The following DYNC2LI1 variants were observed in gnomAD, a reference collection of about 807,000 sequenced individuals.
DYNC2LI1 encodes cytoplasmic dynein 2 light intermediate chain 1.
In DYNC2LI1, 45 loss-of-function variants were observed where a neutral mutation model predicts 51.9. The observed-to-expected ratio is 0.87, with a 90% CI of 0.68 to 1.11. DYNC2LI1 has a LOEUF of 1.11. Among genes scored for constraint, DYNC2LI1 ranks in the 50% most tolerant of loss-of-function variants. DYNC2LI1 has a pLI of 0.00. For synonymous variants in DYNC2LI1, 130 were observed against 137.8 expected (o/e 0.94, Z 0.40); for missense variants, 490 against 417.4 (o/e 1.17, Z -1.51).
intron 1 of DYNC2LI1, 114 bp downstream of exon 1, chr2:43,774,260 G>T (rs1197794092): frequency 2.9e-6 from 4 of 1,387,422 alleles, no homozygotes; most frequent in Non-Finnish European, 3.0e-6. Context: ...TTGCCACCAG[G>T]ATATGCAGGG....
intron 5 of DYNC2LI1, chr2:43,792,660 G>A (rs13420319): frequency 0.095 from 146,677 of 1,537,572 alleles, 10,689 homozygotes; most frequent in African/African-American, 0.33. Flanking sequence ...ATAACTCCTT[G>A]TTTTTCCTTC....
intron 12 of DYNC2LI1, among the ~76,000 whole-genome samples, chr2:43,807,389 A>C (rs1436878790): frequency 6.6e-6 from 1 of 152,116 alleles, no homozygotes; most frequent in Admixed American, 6.5e-5. Context: ...TCCCGATTTT[A>C]AGGGAATGCG....
chr2:43,825,575 A>G, the DYNC2LI1 span, among the ~76,000 whole-genome samples: 1 of 151,988 alleles, frequency 6.6e-6, no homozygotes, highest in African/African-American at 2.4e-5. Flanking sequence ...CAACTGTGTG[A>G]TCTTGGCTTA....
In DYNC2LI1 at chr2:43,783,504, C is replaced by T. The variant is rs747308286; in HGVS notation, c.127-16C>T. The T allele has an allele frequency of 2.6e-6, 4 of 1,530,980 alleles. No homozygotes were observed. The highest frequency in any genetic ancestry group is 3.5e-6 in the Non-Finnish European group (4 of 1,142,680). 94.8% of individuals were successfully genotyped at this position (1,530,980 alleles called of 1,614,324 possible). Reference sequence around the variant, plus strand: ...GAGTGACATTAACGCAGTGTTCCTTCTTTTTTAATTTCCAGGGAAAGACTA... The same window carrying T: ...GAGTGACATTAACGCAGTGTTCCTTTTTTTTTAATTTCCAGGGAAAGACTA... On this transcript the variant is annotated splice_polypyrimidine_tract_variant and intron_variant, in intron 2 of 12. Coordinates refer to ENST00000260605, the MANE Select transcript of DYNC2LI1 (RefSeq NM_016008.4).
At chr2:43,794,311 T>C (rs931844359) in intron 5 of DYNC2LI1, 146 bp from the exon 6 acceptor site, 68 of 865,072 alleles carry the variant, frequency 7.9e-5, no homozygotes, top group Non-Finnish European at 1.1e-4. Context: ...TTTGGTTTTT[T>C]GTTTTTGGGA....
At chr2:43,789,492 G>C (rs1673679453) in intron 4 of DYNC2LI1, 141 bp from the exon 5 acceptor site, 2 of 614,724 alleles carry the variant, frequency 3.3e-6, no homozygotes, top group South Asian at 4.5e-5. Context: ...TTGAGGGATG[G>C]GATAAAGGAA....
chr2:43,778,259 G>A (rs1168375236), intron 2 of DYNC2LI1, among the ~76,000 whole-genome samples: 1 of 152,074 alleles, frequency 6.6e-6, no homozygotes, highest in Admixed American at 6.6e-5. Flanking sequence ...GACTTCCCTG[G>A]CTCGGGTGAT....
chr2:43,794,232 A>AGGGG, intron 5 of DYNC2LI1: 1 of 412,020 alleles, frequency 2.4e-6, no homozygotes, highest in Non-Finnish European at 4.3e-6. Context: ...TTCAAACAGA[A>AGGGG]ACTTAGTTCC....
chr2:43,823,780 G>T, the DYNC2LI1 span: 45 of 1,037,884 alleles, frequency 4.3e-5, no homozygotes, highest in Non-Finnish European at 5.8e-5. Context: ...CCTTTCCCCA[G>T]AGAGGGAACC....
intron 9 of DYNC2LI1, 84 bp downstream of exon 9, chr2:43,801,001 C>G: frequency 2.6e-6 from 2 of 764,296 alleles, no homozygotes; most frequent in Non-Finnish European, 3.9e-6. Context: ...TCTACTCAGT[C>G]TCTTGTGTCT....
chr2:43,827,983 T>C, the DYNC2LI1 span: 16 of 1,613,854 alleles, frequency 9.9e-6, no homozygotes, highest in African/African-American at 2.7e-5. Flanking sequence ...TGCCACTTAC[T>C]AGGATCCTGG....
At chr2:43,801,383 C>T in intron 9 of DYNC2LI1, 1 of 275,802 alleles carries the variant, frequency 3.6e-6, no homozygotes, top group African/African-American at 2.2e-5. Context: ...TATGTATCTT[C>T]TTAGCCTTGC....
chr2:43,826,931 T>C, the DYNC2LI1 span, among the ~76,000 whole-genome samples: 2 of 152,178 alleles, frequency 1.3e-5, no homozygotes, highest in Non-Finnish European at 2.9e-5. Flanking sequence ...GCAGGGTCTT[T>C]GCACAGAAAA....
At chr2:43,791,012 C>T (rs540339930) in intron 5 of DYNC2LI1, among the ~76,000 whole-genome samples, 1 of 152,092 alleles carries the variant, frequency 6.6e-6, no homozygotes, top group Admixed American at 6.6e-5. Context: ...GTCTGGAGTT[C>T]AAGACCAGCC....
the DYNC2LI1 span, among the ~76,000 whole-genome samples, chr2:43,825,607 A>G: frequency 9.1e-3 from 1,200 of 132,106 alleles, 30 homozygotes; most frequent in African/African-American, 0.033. Flanking sequence ...TTTTGTTGTT[A>G]TTGTTGTTGT....
chr2:43,795,276 CG>C (rs765692981), intron 6 of DYNC2LI1: 167 of 795,342 alleles, frequency 2.1e-4, no homozygotes, highest in Non-Finnish European at 2.4e-4. Context: ...GTGGCCGAGG[CG>C]GGCGGATCAC....
At chr2:43,817,757 A>G in the DYNC2LI1 span, among the ~76,000 whole-genome samples, 195 of 152,106 alleles carry the variant, frequency 1.3e-3, 2 homozygotes, top group African/African-American at 4.4e-3. Flanking sequence ...TAAAAATACA[A>G]AAATTAGCCA....
At chr2:43,815,432 A>G in the DYNC2LI1 span, among the ~76,000 whole-genome samples, 1 of 152,200 alleles carries the variant, frequency 6.6e-6, no homozygotes, top group East Asian at 1.9e-4. Context: ...ACAGTAGTGA[A>G]CTATTTGTGC....
chr2:43,820,307 A>T, the DYNC2LI1 span, among the ~76,000 whole-genome samples: 2 of 152,226 alleles, frequency 1.3e-5, no homozygotes, highest in East Asian at 1.9e-4. Flanking sequence ...GCTGCAACTC[A>T]TTGGGAGCCA....
Sources: gnomAD v4.1 joint callset for allele counts (sites outside exome capture counted in the v4.1 genomes callset) on GRCh38, gnomAD v4.1.1 for gene constraint, MANE v1.5 for transcripts, NCBI Gene and HGNC (gene_info 2026-07-23, HGNC 2026-07-21) for gene names.